NEGR1: variants seen among roughly 807,000 people sequenced by gnomAD.
NEGR1 encodes neuronal growth regulator 1.
Under a neutral mutation model 40.9 loss-of-function variants are expected in NEGR1, and 10 were observed. The observed-to-expected ratio is 0.24, with a 90% CI of 0.15 to 0.42. NEGR1 has a LOEUF of 0.42. Among genes scored for constraint, NEGR1 ranks in the 10% least tolerant of loss-of-function variants. The pLI, the probability that NEGR1 is intolerant of heterozygous loss-of-function variation, is 1.00. For synonymous variants in NEGR1, 185 were observed against 166.8 expected (o/e 1.11, Z -0.84); for missense variants, 352 against 438.9 (o/e 0.80, Z 1.77).
intron 1 of NEGR1, among the ~76,000 whole-genome samples, chr1:72,159,855 G>A (rs530456755): frequency 6.6e-6 from 1 of 152,040 alleles, no homozygotes; most frequent in South Asian, 2.1e-4. Flanking sequence ...AGTTAATTTA[G>A]CTTTTAAATA....
intron 6 of NEGR1, among the ~76,000 whole-genome samples, chr1:71,438,504 C>A (rs1453931714): frequency 2.0e-5 from 3 of 152,124 alleles, no homozygotes. Context: ...GAATGAAGAA[C>A]CACTTTCAGG....
In NEGR1 at chr1:71,400,777, A is replaced by T. The variant is rs1426466374; in HGVS notation, c.*6669T>A. The T allele has an allele frequency of 6.6e-6, 1 of 152,172 alleles. No individual in the cohort carries two copies. Among genetic ancestry groups the T allele is most frequent in the Non-Finnish European group, 1.5e-5 (1 of 68,054 alleles). 9.4% of individuals were successfully genotyped at this position (152,172 alleles called of 1,614,324 possible). ...TCTGGGAGCGGTGGCTCACGCCTGT[A>T]ATCCCAGCACTTTAGGAGGCCGAGG... On this transcript the variant is annotated 3_prime_UTR_variant, in exon 7 of 7. Transcript: ENST00000357731.
rs1006098596 is a variant in NEGR1 at position 71,965,513 on chromosome 1, T to G, written c.177-30202A>C. ...CCCTATCAATATGCATTCTAAATCTTCCTAGACCTAGGCATTTTGCTTTGA... is the reference window on the plus strand; with the variant it reads ...CCCTATCAATATGCATTCTAAATCTGCCTAGACCTAGGCATTTTGCTTTGA... On this transcript the variant is annotated intron_variant, in intron 1 of 6. Transcript: ENST00000357731. Among the ~76,000 whole-genome samples the G allele has an allele frequency of 2.6e-5, 4 of 152,160 alleles. No individual in the cohort carries two copies. The East Asian group carries it at 7.7e-4, about 29-fold the overall frequency.
chr1:72,058,434 A>G (rs1431283184), intron 1 of NEGR1, among the ~76,000 whole-genome samples: 2 of 151,612 alleles, frequency 1.3e-5, no homozygotes, highest in South Asian at 2.1e-4. Context: ...GGTTGTTGAT[A>G]TTCTGTTAGA....
At chr1:72,066,975 AT>A (rs753759598) in intron 1 of NEGR1, among the ~76,000 whole-genome samples, 1 of 151,760 alleles carries the variant, frequency 6.6e-6, no homozygotes, top group African/African-American at 2.4e-5. Flanking sequence ...GTGCCCATTC[AT>A]TTTTTTTGCC....
chr1:71,500,709 T>G, intron 6 of NEGR1, among the ~76,000 whole-genome samples: 1 of 151,996 alleles, frequency 6.6e-6, no homozygotes, highest in East Asian at 1.9e-4. Context: ...TGAGGACCCT[T>G]GGCAATAACA....
intron 6 of NEGR1, among the ~76,000 whole-genome samples, chr1:71,568,217 C>T (rs1055015799): frequency 1.3e-5 from 2 of 152,120 alleles, no homozygotes; most frequent in African/African-American, 2.4e-5. Context: ...TCTATGAAAT[C>T]GGTGTATTAG....
At chr1:71,924,023 C>T (rs994970848) in intron 2 of NEGR1, among the ~76,000 whole-genome samples, 2 of 151,992 alleles carry the variant, frequency 1.3e-5, no homozygotes, top group Admixed American at 6.5e-5. Flanking sequence ...ATCCTCTCAC[C>T]TCAGCCTCCA....
At chr1:71,504,590 T>A (rs545716089) in intron 6 of NEGR1, among the ~76,000 whole-genome samples, 13 of 152,256 alleles carry the variant, frequency 8.5e-5, no homozygotes, top group African/African-American at 2.6e-4. Flanking sequence ...GGGTTCCTTC[T>A]GAGTAGGTCC....
chr1:71,808,507 T>A (rs1278643659), intron 2 of NEGR1, among the ~76,000 whole-genome samples: 2 of 152,156 alleles, frequency 1.3e-5, no homozygotes, highest in Non-Finnish European at 2.9e-5. Context: ...AGGGAGCCTG[T>A]CAGTCACACA....
intron 6 of NEGR1, among the ~76,000 whole-genome samples, chr1:71,563,077 G>T (rs9919192): frequency 0.036 from 5,465 of 152,102 alleles, 341 homozygotes; most frequent in African/African-American, 0.13. Flanking sequence ...CTCTCATGGG[G>T]AAGTAAGTGA....
At chr1:71,794,634 A>G (rs1292611067) in intron 2 of NEGR1, 1 of 152,084 alleles carries the variant, frequency 6.6e-6, no homozygotes, top group East Asian at 1.9e-4. Context: ...TAAAATCAAA[A>G]TTTTAAAATA....
At chr1:71,993,876 A>G (rs1306026956) in intron 1 of NEGR1, among the ~76,000 whole-genome samples, 6 of 152,166 alleles carry the variant, frequency 3.9e-5, no homozygotes, top group African/African-American at 1.2e-4. Context: ...GTAACCCTGG[A>G]GATACTCTCC....
intron 6 of NEGR1, among the ~76,000 whole-genome samples, chr1:71,482,856 G>A (rs886763849): frequency 5.3e-5 from 8 of 151,694 alleles, no homozygotes; most frequent in African/African-American, 1.9e-4. Flanking sequence ...TTAGGTGCTG[G>A]GGACAAAGTC....
intron 1 of NEGR1, among the ~76,000 whole-genome samples, chr1:71,955,245 C>A (rs1341271763): frequency 2.0e-5 from 3 of 152,206 alleles, no homozygotes; most frequent in Non-Finnish European, 4.4e-5. Flanking sequence ...GCCATAGATT[C>A]TGTGTGAGCC....
Position 71,402,792 on chromosome 1 carries a change from C to T in NEGR1, c.*4654G>A, listed in dbSNP as rs1439368236. The T allele has an allele frequency of 6.6e-6, 1 of 151,990 alleles. No homozygotes were observed. 9.4% of individuals were successfully genotyped at this position (151,990 alleles called of 1,614,324 possible). A position where few individuals can be genotyped will look rare whatever the true frequency, so the allele number is the denominator to read the frequency against. On this transcript the variant is annotated 3_prime_UTR_variant, in exon 7 of 7. Coordinates refer to ENST00000357731, the MANE Select transcript of NEGR1 (RefSeq NM_173808.3). ...ATACCAAGATATGATTTTGAAGCAT[C>T]TATGTTTTGCCCTATTCTTTTGAGA... is the stretch of plus-strand genomic sequence containing the variant.
intron 1 of NEGR1, among the ~76,000 whole-genome samples, chr1:71,994,106 T>C (rs1266834149): frequency 6.6e-6 from 1 of 152,150 alleles, no homozygotes; most frequent in Non-Finnish European, 1.5e-5. Flanking sequence ...AGGCCTGCCT[T>C]TTAGATTACT....
intron 3 of NEGR1, among the ~76,000 whole-genome samples, chr1:71,751,603 G>A (rs2101688143): frequency 6.6e-6 from 1 of 152,070 alleles, no homozygotes; most frequent in South Asian, 2.1e-4. Context: ...GTCAAACAGT[G>A]ACTTTTACCT....
chr1:72,244,012 C>T (rs1654827828), intron 1 of NEGR1, among the ~76,000 whole-genome samples: 1 of 151,796 alleles, frequency 6.6e-6, no homozygotes, highest in African/African-American at 2.4e-5. Context: ...AGTATAGCAT[C>T]TTAATCTGAT....
Sources: allele counts gnomAD v4.1 joint callset (sites outside exome capture counted in the v4.1 genomes callset), GRCh38; gene constraint gnomAD v4.1.1; transcripts MANE v1.5; gene names NCBI Gene and HGNC (gene_info 2026-07-23, HGNC 2026-07-21).